The following PIEZO2 variants were observed in gnomAD, a reference collection of about 807,000 sequenced individuals.
PIEZO2 encodes piezo-type mechanosensitive ion channel component 2.
Under a neutral mutation model 337.3 loss-of-function variants are expected in PIEZO2, and 172 were observed. The ratio of observed to expected loss-of-function variants is 0.51; its 90% CI spans 0.45 to 0.58. The LOEUF (loss-of-function observed/expected upper bound fraction) is 0.58, where lower values mean the gene tolerates loss of function less well. Ranked by LOEUF, PIEZO2 falls within the 20% of genes least tolerant of loss-of-function variation. The pLI, the probability that PIEZO2 is intolerant of heterozygous loss-of-function variation, is 0.00. For missense variants in PIEZO2, 3,028 were observed against 3,391.3 expected, an observed-to-expected ratio of 0.89 and a Z score of 2.66; for synonymous variants, 1,251 against 1,228.5, an observed-to-expected ratio of 1.02 and a Z score of -0.38.
intron 53 of PIEZO2, among the ~76,000 whole-genome samples, chr18:10,675,607 A>G (rs2033963499): frequency 2.0e-5 from 3 of 152,160 alleles, no homozygotes; most frequent in Non-Finnish European, 4.4e-5. Context: ...TCTTGCTAGG[A>G]TCCTCCAATT....
Position 10,795,260 on chromosome 18 carries a change from T to A in PIEZO2, c.1528-258A>T, listed in dbSNP as rs1319066946. On this transcript the variant is annotated intron_variant, in intron 12 of 55. Coordinates refer to ENST00000674853, the MANE Select transcript of PIEZO2 (RefSeq NM_001378183.1). The surrounding 1 kb of genome is among the most constrained non-coding windows in gnomAD (Gnocchi z 4.4). ...CAAGGGCACATTTTTAATGAAGGAT[T>A]GTGTTGTTTTTACAATAGACTTTTT... Among the ~76,000 whole-genome samples, 2 of 152,164 alleles carry A rather than the reference T, an allele frequency of 1.3e-5. No homozygotes were observed. Among genetic ancestry groups the A allele is most frequent in the Non-Finnish European group, 2.9e-5 (2 of 68,020 alleles).
chr18:10,856,215 G>A lies in PIEZO2; in HGVS notation c.704-649C>T, dbSNP rs1407844895. Among the ~76,000 whole-genome samples, 1 of 152,128 alleles carries A rather than the reference G, an allele frequency of 6.6e-6. No individual in the cohort carries two copies. Among genetic ancestry groups the A allele is most frequent in the Non-Finnish European group, 1.5e-5 (1 of 68,006 alleles). On this transcript the variant is annotated intron_variant, in intron 6 of 55. Coordinates refer to ENST00000674853, the MANE Select transcript of PIEZO2 (RefSeq NM_001378183.1). This position sits in a 1 kb window ranked among gnomAD's most constrained non-coding sequence, Gnocchi z 4.7. Reference sequence around the variant, plus strand: ...CTCCTGGCCAATAACTCCTTTAAAAGTGTTTTTAAGGAATCATAAATAAAG... The same window carrying A: ...CTCCTGGCCAATAACTCCTTTAAAAATGTTTTTAAGGAATCATAAATAAAG...
chr18:10,765,953 A>T (rs981453639), intron 21 of PIEZO2, among the ~76,000 whole-genome samples: 2 of 152,104 alleles, frequency 1.3e-5, no homozygotes, highest in Non-Finnish European at 2.9e-5. Flanking sequence ...ATGACAAGGA[A>T]AGGATCCCCT....
In PIEZO2 at chr18:10,759,228, T is replaced by TG. The variant is rs1491281068; in HGVS notation, c.3757+253_3757+254insC. The stretch of plus-strand genomic sequence containing the variant: ...ATGTGTGTGTGTGTGTGTGTGTGTG[T>TG]TTGTGTGTGTGTGTTGGGGGAAGTG... On this transcript the variant is annotated intron_variant, in intron 26 of 55. Coordinates refer to ENST00000674853, the MANE Select transcript of PIEZO2 (RefSeq NM_001378183.1). The surrounding 1 kb of genome is among the most constrained non-coding windows in gnomAD (Gnocchi z 5.5). Among the ~76,000 whole-genome samples, 833 of 141,826 alleles carry TG rather than the reference T, an allele frequency of 5.9e-3. 10 individuals are homozygous for TG. The highest frequency in any genetic ancestry group is 0.02 in the African/African-American group (787 of 39,230). The allele number at this position is 141,826 out of a possible 152,430, so 93.0% of individuals were successfully genotyped here.
rs371514584 is a variant in PIEZO2, at chr18:10,803,916, T to C, written c.1159A>G (p.Ser387Gly). 24 of 1,537,350 alleles carry C rather than the reference T, an allele frequency of 1.6e-5. No individual in the cohort carries two copies. Among genetic ancestry groups the C allele is most frequent in the East Asian group, 7.3e-5 (3 of 40,922 alleles). The stretch of plus-strand genomic sequence containing the variant: ...GGGTAATGGGTTGCGTACCACAGGC[T>C]CCGCCTCCTCCCCGCTGTTATTTGG... ...PIQITAGRRR[S>G]LWYATHYPTD... The change falls in exon 9 of 56, where the codon AGC (serine) becomes GGC (glycine). Residue 387 changes from serine to glycine, a missense_variant. Physicochemically the swap from Ser to Gly is moderately conservative, Grantham distance 56. Coordinates refer to ENST00000674853, the MANE Select transcript of PIEZO2 (RefSeq NM_001378183.1).
intron 49 of PIEZO2, among the ~76,000 whole-genome samples, chr18:10,688,971 A>G (rs1354403522): frequency 6.6e-6 from 1 of 152,188 alleles, no homozygotes; most frequent in East Asian, 1.9e-4. Context: ...AACAGGCCCC[A>G]TGACTGTAAC....
intron 2 of PIEZO2, among the ~76,000 whole-genome samples, chr18:10,998,852 C>T (rs8087404): frequency 0.042 from 4,928 of 118,406 alleles, 144 homozygotes; most frequent in African/African-American, 0.095. Context: ...TATATTTTCT[C>T]AAATACAGCA....
intron 40 of PIEZO2, 127 bp from the exon 41 acceptor site, chr18:10,705,873 T>A: frequency 2.6e-6 from 3 of 1,169,408 alleles, no homozygotes; most frequent in Non-Finnish European, 3.5e-6. Context: ...CTGCATTCCA[T>A]CTGCTTTGTT....
chr18:10,955,303 A>G lies in PIEZO2; in HGVS notation c.286+24232T>C, dbSNP rs2033469687. On this transcript the variant is annotated intron_variant, in intron 3 of 55. Coordinates refer to ENST00000674853, the MANE Select transcript of PIEZO2 (RefSeq NM_001378183.1). ...GAGGTTGGGCTCAGGTAGGAAAACG[A>G]AAACAGAAGAGCAAGAGAGCAAGGA... Among the ~76,000 whole-genome samples the G allele has an allele frequency of 2.6e-5, 4 of 152,330 alleles. No homozygotes were observed. In the South Asian group the frequency reaches 8.3e-4, roughly 32 times the overall value.
rs564978222 is a variant in PIEZO2, at chr18:10,977,216, G to A, written c.286+2319C>T. 2.6e-5 allele frequency among the ~76,000 whole-genome samples: 4 copies of A among 151,998 alleles called. No homozygotes were observed. The South Asian group carries it at 6.2e-4, about 24-fold the overall frequency. Reference sequence around the variant, plus strand: ...ACACTTAGACTCTTGTGAGTCAGAAGAGATCATAAATTTCACTTCCACCCT... The same window carrying A: ...ACACTTAGACTCTTGTGAGTCAGAAAAGATCATAAATTTCACTTCCACCCT... On this transcript the variant is annotated intron_variant, in intron 3 of 55. Transcript: ENST00000674853.
chr18:10,760,865 A>T, intron 24 of PIEZO2, 46 bp downstream of exon 24: 6 of 1,459,828 alleles, frequency 4.1e-6, no homozygotes, highest in Non-Finnish European at 5.5e-6. Context: ...AGTTCTTTGA[A>T]TTTTCATGGA....
At position 10,773,873 on chromosome 18, in the gene PIEZO2, G is replaced by A. The variant is rs2144007628; in HGVS notation, c.2567+133C>T. Reference sequence around the variant, plus strand: ...TTTTTAATTCGGGTTCTAGTGATTAGTTGGTAATGAGAGCTATCAACACCT... The same window carrying A: ...TTTTTAATTCGGGTTCTAGTGATTAATTGGTAATGAGAGCTATCAACACCT... On this transcript the variant is annotated intron_variant, in intron 19 of 55. Coordinates refer to ENST00000674853, the MANE Select transcript of PIEZO2 (RefSeq NM_001378183.1). This position sits in a 1 kb window ranked among gnomAD's most constrained non-coding sequence, Gnocchi z 5.3. The A allele has an allele frequency of 1.6e-6, 1 of 628,500 alleles. No individual in the cohort carries two copies. Among genetic ancestry groups the A allele is most frequent in the Non-Finnish European group, 2.8e-6 (1 of 354,200 alleles). The allele number at this position is 628,500 out of a possible 1,614,324, so 38.9% of individuals were successfully genotyped here. A position where few individuals can be genotyped will look rare whatever the true frequency, so the allele number is the denominator to read the frequency against.
At position 10,870,283 on chromosome 18, in the gene PIEZO2, A is replaced by C. The variant is rs544143955; in HGVS notation, c.492+970T>G. 1.3e-3 allele frequency among the ~76,000 whole-genome samples: 195 copies of C among 152,294 alleles called. 2 individuals are homozygous for C. The highest frequency in any genetic ancestry group is 4.4e-3 in the African/African-American group (183 of 41,562). On this transcript the variant is annotated intron_variant, in intron 5 of 55. Coordinates refer to ENST00000674853, the MANE Select transcript of PIEZO2 (RefSeq NM_001378183.1). This position sits in a 1 kb window ranked among gnomAD's most constrained non-coding sequence, Gnocchi z 5.3. ...TGTCTGCTTTCTTGTGAACCATATA[A>C]ATCATTTTCCATAAGTGAGAATTTT...
At chr18:11,139,481 C>T (rs1043089898) in intron 1 of PIEZO2, among the ~76,000 whole-genome samples, 2 of 152,084 alleles carry the variant, frequency 1.3e-5, no homozygotes, top group African/African-American at 4.8e-5. Context: ...GATATTATGA[C>T]GCCCTAATAA....
chr18:11,091,090 A>T (rs778322836), intron 1 of PIEZO2, among the ~76,000 whole-genome samples: 1 of 152,144 alleles, frequency 6.6e-6, no homozygotes, highest in African/African-American at 2.4e-5. Context: ...TTGAAATTTA[A>T]TAAGAAATAT....
At position 11,078,059 on chromosome 18, in the gene PIEZO2, CA is replaced by C. The variant is rs1370523269; in HGVS notation, c.65-11838del. Among the ~76,000 whole-genome samples the C allele has an allele frequency of 6.7e-6, 1 of 148,202 alleles. No homozygotes were observed. Among genetic ancestry groups the C allele is most frequent in the Admixed American group, 6.8e-5 (1 of 14,792 alleles). On this transcript the variant is annotated intron_variant, in intron 1 of 55. Coordinates refer to ENST00000674853, the MANE Select transcript of PIEZO2 (RefSeq NM_001378183.1). The surrounding 1 kb of genome is among the most constrained non-coding windows in gnomAD (Gnocchi z 5.3). ...ACCCACACACACCCACACACACACA[CA>C]CACACACCACACACACAAAAACAAA...
chr18:11,076,600 G>C (rs1020512850), intron 1 of PIEZO2, among the ~76,000 whole-genome samples: 39 of 151,752 alleles, frequency 2.6e-4, no homozygotes, highest in African/African-American at 8.7e-4. Context: ...TTTTAATTTA[G>C]TATACAAAGG....
intron 4 of PIEZO2, among the ~76,000 whole-genome samples, chr18:10,883,395 G>A (rs1310912756): frequency 1.3e-5 from 2 of 151,836 alleles, no homozygotes; most frequent in Non-Finnish European, 2.9e-5. Context: ...GAGTGTACAA[G>A]GGTTTCCTTT....
chr18:10,731,368 C>T (rs1410290656), intron 36 of PIEZO2, 39 bp downstream of exon 36: 3 of 1,427,958 alleles, frequency 2.1e-6, no homozygotes, highest in Non-Finnish European at 2.8e-6. Flanking sequence ...CAGCCTGAAA[C>T]CTGCCACACC....
Sources: allele counts gnomAD v4.1 joint callset (sites outside exome capture counted in the v4.1 genomes callset), GRCh38; gene constraint gnomAD v4.1.1; non-coding constraint Gnocchi (gnomAD v3.1); transcripts MANE v1.5; gene names NCBI Gene and HGNC (gene_info 2026-07-23, HGNC 2026-07-21).